The following NALF1 variants were observed in gnomAD, a reference collection of about 807,000 sequenced individuals.
NALF1 encodes the protein family with sequence similarity 155 member A.
NALF1 carries 3 observed loss-of-function variants against 48.4 expected under a neutral mutation model. That is an observed-to-expected ratio of 0.06 (90% CI 0.03 to 0.16). The LOEUF (loss-of-function observed/expected upper bound fraction) is 0.16. Ranked by LOEUF, NALF1 falls within the 10% of genes least tolerant of loss-of-function variation. The pLI is 1.00. For synonymous variants in NALF1, 262 were observed against 245.7 expected (o/e 1.07, Z -0.62); for missense variants, 526 against 571.5 (o/e 0.92, Z 0.81).
At chr13:107,730,341 T>C (rs1461440961) in intron 1 of NALF1, among the ~76,000 whole-genome samples, 1 of 152,202 alleles carries the variant, frequency 6.6e-6, no homozygotes, top group Admixed American at 6.5e-5. Flanking sequence ...CCTAGTCTTA[T>C]CCTCTGTAAT....
intron 1 of NALF1, among the ~76,000 whole-genome samples, chr13:107,783,044 GC>G (rs1877955935): frequency 7.0e-6 from 1 of 143,468 alleles, no homozygotes; most frequent in African/African-American, 2.7e-5. Flanking sequence ...CCGGCCAGCC[GC>G]CCCGACCGGG....
chr13:107,646,960 A>T (rs1880329967), intron 1 of NALF1, among the ~76,000 whole-genome samples: 1 of 152,068 alleles, frequency 6.6e-6, no homozygotes, highest in African/African-American at 2.4e-5. Context: ...AAATGCACTC[A>T]CCTGTTGACC....
At chr13:107,522,799 T>C (rs1876290364) in intron 1 of NALF1, among the ~76,000 whole-genome samples, 1 of 152,160 alleles carries the variant, frequency 6.6e-6, no homozygotes, top group East Asian at 1.9e-4. Context: ...TTTGTATTTT[T>C]AGTAGAGACA....
chr13:107,862,360 A>C (rs1880594108), intron 1 of NALF1, among the ~76,000 whole-genome samples: 1 of 152,138 alleles, frequency 6.6e-6, no homozygotes, highest in Non-Finnish European at 1.5e-5. Flanking sequence ...TGTAACTTAG[A>C]ATATTTCATT....
intron 1 of NALF1, among the ~76,000 whole-genome samples, chr13:107,815,908 T>C (rs748709214): frequency 6.6e-6 from 1 of 152,160 alleles, no homozygotes; most frequent in Non-Finnish European, 1.5e-5. Context: ...ATCCAATTTA[T>C]GTAAATTGTT....
chr13:107,433,394 C>T (rs954397635), intron 1 of NALF1, among the ~76,000 whole-genome samples: 32 of 152,064 alleles, frequency 2.1e-4, no homozygotes, highest in African/African-American at 7.5e-4. Context: ...TAACTAGTCA[C>T]AGATTTGGTT....
At chr13:107,689,776 T>C (rs941580443) in intron 1 of NALF1, among the ~76,000 whole-genome samples, 5 of 152,220 alleles carry the variant, frequency 3.3e-5, no homozygotes, top group Non-Finnish European at 5.9e-5. Context: ...TATGGCAACT[T>C]TGAAAACATT....
intron 1 of NALF1, among the ~76,000 whole-genome samples, chr13:107,706,973 A>T (rs1228230733): frequency 2.8e-5 from 3 of 106,752 alleles, no homozygotes; most frequent in South Asian, 6.8e-4. Flanking sequence ...CCCAGGCTGG[A>T]GTGCAGTGGC....
rs561599410 is a variant in NALF1, at chr13:107,298,150, C to T, written c.916-87395G>A. ...GGAACACGAGGTCAGGAGATCGAGA[C>T]CATCCTGGCTAACATGGTGAAACCC... On this transcript the variant is annotated intron_variant, in intron 1 of 2. Coordinates refer to ENST00000375915, the MANE Select transcript of NALF1 (RefSeq NM_001080396.3). Among the ~76,000 whole-genome samples, 19 of 151,804 alleles carry T rather than the reference C, an allele frequency of 1.3e-4. No individual in the cohort carries two copies. In the South Asian group the frequency reaches 3.3e-3, roughly 27 times the overall value.
intron 1 of NALF1, among the ~76,000 whole-genome samples, chr13:107,322,563 C>A (rs1004021022): frequency 6.6e-6 from 1 of 152,082 alleles, no homozygotes; most frequent in East Asian, 1.9e-4. Flanking sequence ...CACCCTAATC[C>A]CTGGTTTGTG....
intron 1 of NALF1, among the ~76,000 whole-genome samples, chr13:107,846,613 A>G (rs749412070): frequency 2.0e-5 from 3 of 152,212 alleles, no homozygotes; most frequent in Non-Finnish European, 2.9e-5. Context: ...CAAGGACTAA[A>G]GACAAAAGAT....
At chr13:107,413,625 TTAA>T (rs1482495402) in intron 1 of NALF1, among the ~76,000 whole-genome samples, 1 of 152,156 alleles carries the variant, frequency 6.6e-6, no homozygotes, top group Non-Finnish European at 1.5e-5. Context: ...TTCATGCATT[TTAA>T]TAATGTTTCC....
chr13:107,178,768 C>T (rs1878994249), intron 2 of NALF1, among the ~76,000 whole-genome samples: 1 of 150,574 alleles, frequency 6.6e-6, no homozygotes, highest in East Asian at 2.0e-4. Flanking sequence ...ACCGTGAAAC[C>T]CCGTCTCTAC....
chr13:107,400,697 CTG>C (rs530857236), intron 1 of NALF1, among the ~76,000 whole-genome samples: 18 of 145,638 alleles, frequency 1.2e-4, no homozygotes, highest in Non-Finnish European at 2.6e-4. Flanking sequence ...GAGCGAGACT[CTG>C]TCTCAAAATA....
At chr13:107,475,706 A>G (rs1229598318) in intron 1 of NALF1, among the ~76,000 whole-genome samples, 1 of 152,212 alleles carries the variant, frequency 6.6e-6, no homozygotes, top group Non-Finnish European at 1.5e-5. Flanking sequence ...TTTATGGTAG[A>G]AACTACTAAA....
intron 1 of NALF1, among the ~76,000 whole-genome samples, chr13:107,423,757 C>CAATCT (rs1458446710): frequency 6.6e-6 from 1 of 152,032 alleles, no homozygotes; most frequent in African/African-American, 2.4e-5. Context: ...AAAATAAAAT[C>CAATCT]AATCTTGGAG....
chr13:107,450,460 C>A (rs552767644), intron 1 of NALF1, among the ~76,000 whole-genome samples: 1 of 152,046 alleles, frequency 6.6e-6, no homozygotes, highest in African/African-American at 2.4e-5. Context: ...GTGAATAGAG[C>A]TGTTTTTGCA....
At chr13:107,507,622 A>G (rs591587) in intron 1 of NALF1, among the ~76,000 whole-genome samples, 25,315 of 128,728 alleles carry the variant, frequency 0.2, 2,765 homozygotes, top group East Asian at 0.24. Context: ...AAAAAAAAAA[A>G]GGGGCAAACA....
rs1268245467 is a variant in NALF1, at chr13:107,311,732, AC to A, written c.916-100978del. On this transcript the variant is annotated intron_variant, in intron 1 of 2. Transcript: ENST00000375915. ...CTCAAACAAATTTACAAGAAAAAAA[AC>A]AAACAACCCCATCAACAAGTTGGCG... Among the ~76,000 whole-genome samples the A allele has an allele frequency of 2.0e-5, 3 of 152,202 alleles. No homozygotes were observed. The East Asian group carries it at 5.8e-4, about 29-fold the overall frequency.
Sources: gnomAD v4.1 joint callset for allele counts (sites outside exome capture counted in the v4.1 genomes callset) on GRCh38, gnomAD v4.1.1 for gene constraint, MANE v1.5 for transcripts, NCBI Gene and HGNC (gene_info 2026-07-23, HGNC 2026-07-21) for gene names.